PPP2R2C: variants seen among roughly 807,000 people sequenced by gnomAD.
The protein encoded by PPP2R2C is protein phosphatase 2, regulatory subunit B, gamma.
In PPP2R2C, 10 loss-of-function variants were observed where a neutral mutation model predicts 45.3. That is an observed-to-expected ratio of 0.22 (90% CI 0.14 to 0.37). The LOEUF is 0.37. PPP2R2C is among the 10% of genes least tolerant of loss of function. The pLI is 1.00. For synonymous variants in PPP2R2C, 257 were observed against 245.4 expected (o/e 1.05, Z -0.44); for missense variants, 308 against 619.7 (o/e 0.50, Z 5.34).
At chr4:6,382,840 G>T in intron 1 of PPP2R2C, 1 of 1,098,794 alleles carries the variant, frequency 9.1e-7, no homozygotes, top group Non-Finnish European at 1.1e-6. Flanking sequence ...CAACAGACTG[G>T]CAGCAGAGAG....
chr4:6,357,210 G>C (rs569399865), intron 5 of PPP2R2C, among the ~76,000 whole-genome samples: 1 of 152,296 alleles, frequency 6.6e-6, no homozygotes, highest in South Asian at 2.1e-4. Context: ...GAAAGTCACA[G>C]CTGCAGTCAT....
chr4:6,411,954 C>T (rs931203972), intron 1 of PPP2R2C, among the ~76,000 whole-genome samples: 1 of 152,182 alleles, frequency 6.6e-6, no homozygotes, highest in African/African-American at 2.4e-5. Flanking sequence ...TAGTAATTAA[C>T]GATTAAATGA....
intron 5 of PPP2R2C, among the ~76,000 whole-genome samples, chr4:6,365,370 G>A (rs1714203561): frequency 6.6e-6 from 1 of 152,244 alleles, no homozygotes; most frequent in Non-Finnish European, 1.5e-5. Flanking sequence ...ACCAAGGGCA[G>A]GAAGAAGAGG....
intron 1 of PPP2R2C, among the ~76,000 whole-genome samples, chr4:6,561,921 C>T (rs1008084571): frequency 1.3e-5 from 2 of 152,242 alleles, no homozygotes; most frequent in Non-Finnish European, 2.9e-5. Context: ...CACTAATCGA[C>T]AGTCAACAAT....
intron 1 of PPP2R2C, among the ~76,000 whole-genome samples, chr4:6,464,635 A>G (rs1304048026): frequency 2.6e-5 from 4 of 152,262 alleles, no homozygotes; most frequent in African/African-American, 9.6e-5. Flanking sequence ...AAGGTCAAAC[A>G]AATTAGACTA....
intron 2 of PPP2R2C, among the ~76,000 whole-genome samples, chr4:6,509,843 A>G (rs147635241): frequency 2.3e-4 from 35 of 152,260 alleles, no homozygotes; most frequent in Non-Finnish European, 2.4e-4. Flanking sequence ...GGGCTGTCAC[A>G]AGGCCGACTC....
intron 1 of PPP2R2C, among the ~76,000 whole-genome samples, chr4:6,543,190 C>T (rs770832958): frequency 1.7e-4 from 26 of 152,232 alleles, no homozygotes; most frequent in Admixed American, 7.8e-4. Flanking sequence ...TGCACCACCG[C>T]AGCCCCTGAG....
rs1723327407 is a variant in PPP2R2C, at chr4:6,508,806, G to T, written c.49+26465C>A. ...ACTTCAGTAAACACATTAAGACGCA[G>T]CCCCTCCCAAGTGCTGGCAGGCCAC... On this transcript the variant is annotated intron_variant, in intron 2 of 9. Transcript: ENST00000506140. Among the ~76,000 whole-genome samples, 4 of 152,096 alleles carry T rather than the reference G, an allele frequency of 2.6e-5. No homozygotes were observed. The South Asian group carries it at 8.3e-4, about 32-fold the overall frequency.
intron 1 of PPP2R2C, among the ~76,000 whole-genome samples, chr4:6,451,622 C>G (rs1288308546): frequency 1.3e-5 from 2 of 152,030 alleles, no homozygotes; most frequent in Non-Finnish European, 2.9e-5. Context: ...GTTTTTATAG[C>G]TGCCTATTTA....
intron 6 of PPP2R2C, among the ~76,000 whole-genome samples, chr4:6,341,887 C>T (rs1014226564): frequency 3.3e-5 from 5 of 152,062 alleles, no homozygotes; most frequent in South Asian, 4.2e-4. Context: ...CATTTTAGCC[C>T]GAGTTCCAGA....
intron 1 of PPP2R2C, among the ~76,000 whole-genome samples, chr4:6,416,822 G>C (rs1433034998): frequency 6.6e-6 from 1 of 152,208 alleles, no homozygotes; most frequent in Non-Finnish European, 1.5e-5. Context: ...TTCCAAGCCT[G>C]CTGGGCTCCC....
At chr4:6,489,340 G>A (rs1722624066) in intron 2 of PPP2R2C, among the ~76,000 whole-genome samples, 1 of 151,860 alleles carries the variant, frequency 6.6e-6, no homozygotes, top group Non-Finnish European at 1.5e-5. Context: ...TTCCATTTTG[G>A]CCAGAAGCCT....
At position 6,320,860 on chromosome 4, in the gene PPP2R2C, C is replaced by T. The variant is rs908395048; in HGVS notation, c.*2442G>A. The T allele has an allele frequency of 3.3e-5, 5 of 152,084 alleles. No homozygotes were observed. Among genetic ancestry groups the T allele is most frequent in the South Asian group, 2.1e-4 (1 of 4,804 alleles). 9.4% of individuals were successfully genotyped at this position (152,084 alleles called of 1,614,324 possible). A position where few individuals can be genotyped will look rare whatever the true frequency, so the allele number is the denominator to read the frequency against. ...ACTTCACAATGACTATGTGAACGCC[C>T]GTACATTCGAGAGTACCAGGAAATG... On this transcript the variant is annotated 3_prime_UTR_variant, in exon 9 of 9. Coordinates refer to ENST00000382599, the MANE Select transcript of PPP2R2C (RefSeq NM_020416.4).
At chr4:6,369,253 T>A (rs1714600454) in intron 5 of PPP2R2C, among the ~76,000 whole-genome samples, 1 of 152,224 alleles carries the variant, frequency 6.6e-6, no homozygotes, top group Non-Finnish European at 1.5e-5. Flanking sequence ...AGCAGGCACA[T>A]GGGGCTGGTG....
chr4:6,557,400 A>AAAGG (rs1725437874), intron 1 of PPP2R2C, among the ~76,000 whole-genome samples: 1 of 151,970 alleles, frequency 6.6e-6, no homozygotes, highest in Non-Finnish European at 1.5e-5. Context: ...AGAAAGAAAG[A>AAAGG]AAGAAAAGAA....
chr4:6,342,081 T>TATACAC (rs1733489527), intron 6 of PPP2R2C, among the ~76,000 whole-genome samples: 1 of 139,718 alleles, frequency 7.2e-6, no homozygotes, highest in Middle Eastern at 3.7e-3. Context: ...TCTGCCACGA[T>TATACAC]ACACACACAC....
chr4:6,466,655 C>T (rs752714607), intron 1 of PPP2R2C, among the ~76,000 whole-genome samples: 7 of 152,146 alleles, frequency 4.6e-5, no homozygotes, highest in Admixed American at 1.3e-4. Context: ...TGGAGCCTAG[C>T]GCTTCATACA....
At chr4:6,362,068 G>A (rs75228421) in intron 5 of PPP2R2C, among the ~76,000 whole-genome samples, 1 of 152,068 alleles carries the variant, frequency 6.6e-6, no homozygotes, top group Non-Finnish European at 1.5e-5. Context: ...GAGGGGGAGT[G>A]CAAGGCTCAG....
At chr4:6,382,136 A>G in intron 1 of PPP2R2C, 1 of 1,244,278 alleles carries the variant, frequency 8.0e-7, no homozygotes, top group Non-Finnish European at 1.0e-6. Context: ...GAAAAGTAGA[A>G]GATTTCCTAT....
Sources: allele counts gnomAD v4.1 joint callset (sites outside exome capture counted in the v4.1 genomes callset), GRCh38; gene constraint gnomAD v4.1.1; transcripts MANE v1.5; gene names NCBI Gene and HGNC (gene_info 2026-07-23, HGNC 2026-07-21).